The following PPP2R5D variants were observed in gnomAD, a reference collection of about 807,000 sequenced individuals.
PPP2R5D encodes serine/threonine-protein phosphatase 2A 56 kDa regulatory subunit delta isoform.
Under a neutral mutation model 79.1 loss-of-function variants are expected in PPP2R5D, and 12 were observed. That is an observed-to-expected ratio of 0.15 (90% CI 0.10 to 0.25). The LOEUF (loss-of-function observed/expected upper bound fraction) is 0.25. Ranked by LOEUF, PPP2R5D falls within the 10% of genes least tolerant of loss-of-function variation. PPP2R5D has a pLI of 1.00. For synonymous variants in PPP2R5D, 277 were observed against 286.6 expected (o/e 0.97, Z 0.34); for missense variants, 419 against 760.2 (o/e 0.55, Z 5.28).
At chr6:42,986,278 C>T (rs536568011) in intron 1 of PPP2R5D, among the ~76,000 whole-genome samples, 1 of 152,320 alleles carries the variant, frequency 6.6e-6, no homozygotes, top group Non-Finnish European at 1.5e-5. Flanking sequence ...AGCTTCTCCT[C>T]TCCTGGGGCT....
intron 2 of PPP2R5D, among the ~76,000 whole-genome samples, chr6:43,000,128 G>T (rs1352495203): frequency 1.3e-5 from 2 of 151,394 alleles, no homozygotes; most frequent in Non-Finnish European, 2.9e-5. Context: ...TAGAGACGGG[G>T]TTTCACCATG....
intron 2 of PPP2R5D, among the ~76,000 whole-genome samples, chr6:42,992,404 T>C (rs554780302): frequency 1.3e-5 from 2 of 152,196 alleles, no homozygotes; most frequent in Non-Finnish European, 2.9e-5. Context: ...TCTAGCCAGC[T>C]TTGCTCTGTC....
At chr6:42,989,954 C>T (rs1348613931) in intron 2 of PPP2R5D, among the ~76,000 whole-genome samples, 1 of 152,132 alleles carries the variant, frequency 6.6e-6, no homozygotes, top group East Asian at 1.9e-4. Context: ...GTTGAGAATT[C>T]CTTTTTCTTA....
chr6:43,004,666 C>T (rs1322842276), intron 2 of PPP2R5D, among the ~76,000 whole-genome samples: 2 of 149,214 alleles, frequency 1.3e-5, no homozygotes, highest in Non-Finnish European at 3.0e-5. Flanking sequence ...GCAGACATTT[C>T]CCTTCCTCCA....
intron 2 of PPP2R5D, among the ~76,000 whole-genome samples, chr6:42,993,351 A>G (rs1771410555): frequency 1.3e-5 from 2 of 151,934 alleles, no homozygotes; most frequent in South Asian, 4.2e-4. Context: ...CGCACCTGTA[A>G]TCCCAGCTAC....
intron 1 of PPP2R5D, among the ~76,000 whole-genome samples, chr6:42,985,847 G>A (rs901024938): frequency 7.4e-5 from 11 of 147,746 alleles, no homozygotes; most frequent in African/African-American, 1.5e-4. Context: ...GCGCGATCTC[G>A]GCTCACCACA....
Position 43,009,605 on chromosome 6 carries a change from G to A in PPP2R5D, c.1379+156G>A, listed in dbSNP as rs367677955. Among the ~76,000 whole-genome samples the A allele has an allele frequency of 2.0e-4, 30 of 152,292 alleles. No homozygotes were observed. The South Asian group carries it at 3.5e-3, about 18-fold the overall frequency. ...AGGACCTTGAGGGGCTGACTGGAGC[G>A]AAAAGATGCCTGTGTGCAAGATCTC... On this transcript the variant is annotated intron_variant, in intron 12 of 15. Transcript: ENST00000485511. The surrounding 1 kb of genome is among the most constrained non-coding windows in gnomAD (Gnocchi z 5.6).
chr6:43,006,988 G>C lies in PPP2R5D; in HGVS notation c.400G>C (p.Asp134His). ...QCCVLFDFVS[D>H]PLSDLKFKEV... is the part of the protein sequence containing the mutation. ...CTGTGTCCTCTTTGACTTCGTGTCA[G>C]ACCCACTCAGTGACCTCAAATTCAA... Residue 134 changes from aspartate to histidine, a missense_variant, in exon 4 of 16, where the codon GAC (aspartate) becomes CAC (histidine). Asp to His is a moderately conservative substitution (Grantham distance 81). Around this residue, in one of 5 missense-constraint regions of PPP2R5D, gnomAD observed 29 missense variants for 64.2 expected, o/e 0.45. Transcript: ENST00000485511. This position sits in a 1 kb window ranked among gnomAD's most constrained non-coding sequence, Gnocchi z 4.7. 6.2e-7 allele frequency: 1 copy of C among 1,614,178 alleles called. No individual in the cohort carries two copies. Among genetic ancestry groups the C allele is most frequent in the South Asian group, 1.1e-5 (1 of 91,078 alleles).
Position 43,009,469 on chromosome 6 carries a change from C to A in PPP2R5D, c.1379+20C>A. 1 of 1,613,852 alleles carries A rather than the reference C, an allele frequency of 6.2e-7. No individual in the cohort carries two copies. The highest frequency in any genetic ancestry group is 1.1e-5 in the South Asian group (1 of 91,066). ...GAACAAGTAAGGCGCTGGGGTGGGG[C>A]TGGGTGGTGGGGATCCAGTTTGGGA... On this transcript the variant is annotated intron_variant, in intron 12 of 15. Transcript: ENST00000485511. This position sits in a 1 kb window ranked among gnomAD's most constrained non-coding sequence, Gnocchi z 5.6.
In PPP2R5D at chr6:43,007,547, C is replaced by T. The variant is rs757654309; in HGVS notation, c.726+41C>T. 2 of 1,506,624 alleles carry T rather than the reference C, an allele frequency of 1.3e-6. No individual in the cohort carries two copies. Among genetic ancestry groups the T allele is most frequent in the South Asian group, 2.2e-5 (2 of 88,924 alleles). 93.3% of individuals were successfully genotyped at this position (1,506,624 alleles called of 1,614,324 possible). A position where few individuals can be genotyped will look rare whatever the true frequency, so the allele number is the denominator to read the frequency against. On this transcript the variant is annotated intron_variant, in intron 6 of 15. Transcript: ENST00000485511. The surrounding 1 kb of genome is among the most constrained non-coding windows in gnomAD (Gnocchi z 4.5). The stretch of plus-strand genomic sequence containing the variant: ...CCTGTCCTTGCCCTCTCTTTCCATT[C>T]CATGCCCCCTTCATCTGTGTCCCAG...
chr6:42,985,307 C>T (rs1770753810), intron 1 of PPP2R5D, among the ~76,000 whole-genome samples: 1 of 152,214 alleles, frequency 6.6e-6, no homozygotes, highest in Admixed American at 6.5e-5. Flanking sequence ...CAGGACTGAG[C>T]CCTTCTGTTG....
chr6:43,002,255 C>G (rs1479452663), intron 2 of PPP2R5D, among the ~76,000 whole-genome samples: 2 of 151,950 alleles, frequency 1.3e-5, no homozygotes, highest in African/African-American at 4.8e-5. Context: ...CCTCTGCCTC[C>G]CGAGTTCAAG....
In PPP2R5D at chr6:43,007,790, T is replaced by C. The variant is rs1762168771; in HGVS notation, c.727-145T>C. ...AGTACAAATACAATAGAATCAGCAA[T>C]ATAATAGAATCACTGCTTTCTAAGA... On this transcript the variant is annotated intron_variant, in intron 6 of 15. Transcript: ENST00000485511. This position sits in a 1 kb window ranked among gnomAD's most constrained non-coding sequence, Gnocchi z 4.5. 7 of 1,044,142 alleles carry C rather than the reference T, an allele frequency of 6.7e-6. No individual in the cohort carries two copies. In the Admixed American group the frequency reaches 1.0e-4, roughly 15 times the overall value. The allele number at this position is 1,044,142 out of a possible 1,614,324, so 64.7% of individuals were successfully genotyped here. A position where few individuals can be genotyped will look rare whatever the true frequency, so the allele number is the denominator to read the frequency against.
At position 43,007,669 on chromosome 6, in the gene PPP2R5D, T is replaced by C. The variant is rs1762163251; in HGVS notation, c.726+163T>C. ...AAAACAAAACAAAACAAAACCCTAC[T>C]CTGGCCTTAAGAAACTAACAACATA... On this transcript the variant is annotated intron_variant, in intron 6 of 15. Coordinates refer to ENST00000485511, the MANE Select transcript of PPP2R5D (RefSeq NM_006245.4). This position sits in a 1 kb window ranked among gnomAD's most constrained non-coding sequence, Gnocchi z 4.5. Among the ~76,000 whole-genome samples the C allele has an allele frequency of 6.6e-6, 1 of 152,052 alleles. No homozygotes were observed. Among genetic ancestry groups the C allele is most frequent in the African/African-American group, 2.4e-5 (1 of 41,386 alleles).
At position 43,009,749 on chromosome 6, in the gene PPP2R5D, T is replaced by C. The variant is rs1762258493; in HGVS notation, c.1379+300T>C. Among the ~76,000 whole-genome samples the C allele has an allele frequency of 6.6e-6, 1 of 152,100 alleles. No individual in the cohort carries two copies. The highest frequency in any genetic ancestry group is 1.5e-5 in the Non-Finnish European group (1 of 68,018). The stretch of plus-strand genomic sequence containing the variant: ...ATGCAGTGAGAAGCTGATGTGACCT[T>C]CTTTGAGAGTATGTGTAAAGAATCC... On this transcript the variant is annotated intron_variant, in intron 12 of 15. Transcript: ENST00000485511. This position sits in a 1 kb window ranked among gnomAD's most constrained non-coding sequence, Gnocchi z 5.6.
chr6:43,011,587 T>G lies in PPP2R5D; in HGVS notation c.*301T>G. On this transcript the variant is annotated 3_prime_UTR_variant, in exon 16 of 16. Coordinates refer to ENST00000485511, the MANE Select transcript of PPP2R5D (RefSeq NM_006245.4). ...CACCCACAGCTACCTGAGGCTGCTC[T>G]GAGAAGTACACACAGGAATACATAC... 1 of 471,302 alleles carries G rather than the reference T, an allele frequency of 2.1e-6. No individual in the cohort carries two copies. Among genetic ancestry groups the G allele is most frequent in the South Asian group, 2.4e-5 (1 of 42,444 alleles). 29.2% of individuals were successfully genotyped at this position (471,302 alleles called of 1,614,324 possible). A position where few individuals can be genotyped will look rare whatever the true frequency, so the allele number is the denominator to read the frequency against.
intron 2 of PPP2R5D, among the ~76,000 whole-genome samples, chr6:42,999,159 TCA>T (rs1771999099): frequency 1.3e-5 from 2 of 151,664 alleles, no homozygotes; most frequent in African/African-American, 4.9e-5. Context: ...CAGAAGCTTC[TCA>T]GGGGACTCAC....
rs1762246866 is a variant in PPP2R5D, at chr6:43,009,485, C to T, written c.1379+36C>T. On this transcript the variant is annotated intron_variant, in intron 12 of 15. Coordinates refer to ENST00000485511, the MANE Select transcript of PPP2R5D (RefSeq NM_006245.4). This position sits in a 1 kb window ranked among gnomAD's most constrained non-coding sequence, Gnocchi z 5.6. ...GGGGTGGGGCTGGGTGGTGGGGATC[C>T]AGTTTGGGAAACTTTGAGGGTATGG... is the stretch of plus-strand genomic sequence containing the variant. The T allele has an allele frequency of 1.2e-6, 2 of 1,613,098 alleles. No individual in the cohort carries two copies. Among genetic ancestry groups the T allele is most frequent in the Non-Finnish European group, 1.7e-6 (2 of 1,179,724 alleles).
chr6:43,008,775 A>G lies in PPP2R5D; in HGVS notation c.1080+29A>G. ...ATTCCCCTTCCGGGCCCCAAGGCCC[A>G]CCTCTTACTGTCAGCATCACTTGCC... is the stretch of plus-strand genomic sequence containing the variant. On this transcript the variant is annotated intron_variant, in intron 10 of 15. Coordinates refer to ENST00000485511, the MANE Select transcript of PPP2R5D (RefSeq NM_006245.4). The surrounding 1 kb of genome is among the most constrained non-coding windows in gnomAD (Gnocchi z 4.2). 1 of 1,601,756 alleles carries G rather than the reference A, an allele frequency of 6.2e-7. No homozygotes were observed.
Sources: allele counts gnomAD v4.1 joint callset (sites outside exome capture counted in the v4.1 genomes callset), GRCh38; gene constraint gnomAD v4.1.1; regional missense constraint gnomAD v4.1.1; non-coding constraint Gnocchi (gnomAD v3.1); transcripts MANE v1.5; gene names NCBI Gene and HGNC (gene_info 2026-07-23, HGNC 2026-07-21).